MYO10: variants seen among roughly 807,000 people sequenced by gnomAD.
MYO10 encodes unconventional myosin-X.
Under a neutral mutation model 257.3 loss-of-function variants are expected in MYO10, and 133 were observed. The ratio of observed to expected loss-of-function variants is 0.52; its 90% CI spans 0.45 to 0.60. The LOEUF (loss-of-function observed/expected upper bound fraction) is 0.60, where lower values mean the gene tolerates loss of function less well. Among genes scored for constraint, MYO10 ranks in the 20% least tolerant of loss-of-function variants. The probability of loss-of-function intolerance (pLI) is 0.00; values close to 1 mark genes in which losing one functional copy is unlikely to be tolerated. For missense variants in MYO10, 2,399 were observed against 2,635.7 expected (o/e 0.91, Z 1.97); for synonymous variants, 1,104 against 1,028.6 (o/e 1.07, Z -1.40).
At chr5:16,922,917 G>A (rs1384905881) in intron 1 of MYO10, among the ~76,000 whole-genome samples, 2 of 152,162 alleles carry the variant, frequency 1.3e-5, no homozygotes, top group Non-Finnish European at 2.9e-5. Context: ...TGTGGTCCTA[G>A]CTACTGGGGA....
intron 19 of MYO10, among the ~76,000 whole-genome samples, chr5:16,739,226 C>A (rs2126629250): frequency 1.3e-5 from 2 of 151,204 alleles, no homozygotes; most frequent in South Asian, 2.1e-4. Context: ...ACCATTAAAC[C>A]ATTCAATCCT....
At chr5:16,770,556 T>TA (rs1665321910) in intron 9 of MYO10, among the ~76,000 whole-genome samples, 1 of 152,016 alleles carries the variant, frequency 6.6e-6, no homozygotes, top group Non-Finnish European at 1.5e-5. Flanking sequence ...AAAAAGCTAT[T>TA]AAAAAAGAAA....
chr5:16,874,309 G>C (rs1441718440), intron 2 of MYO10, among the ~76,000 whole-genome samples: 4 of 124,374 alleles, frequency 3.2e-5, no homozygotes, highest in African/African-American at 1.2e-4. Context: ...ACTCCAGCCT[G>C]GGCGACAGAG....
chr5:16,722,051 C>G (rs527623518), intron 19 of MYO10, among the ~76,000 whole-genome samples: 39 of 152,280 alleles, frequency 2.6e-4, no homozygotes, highest in African/African-American at 9.1e-4. Context: ...CACTTCCTGT[C>G]TCCACCTCAG....
At chr5:16,815,673 A>G (rs887146901) in intron 3 of MYO10, among the ~76,000 whole-genome samples, 2 of 152,220 alleles carry the variant, frequency 1.3e-5, no homozygotes, top group African/African-American at 4.8e-5. Context: ...GTTACACGAC[A>G]GTGTCAAATA....
In MYO10 at chr5:16,701,356, G is replaced by C. The variant is rs370548236; in HGVS notation, c.3039C>G (p.His1013Gln). 1 of 1,613,998 alleles carries C rather than the reference G, an allele frequency of 6.2e-7. No homozygotes were observed. The highest frequency in any genetic ancestry group is 8.5e-7 in the Non-Finnish European group (1 of 1,179,876). ...AFKDSPNPSEHGHSDQRTSGI... is the reference protein window; with the variant it reads ...AFKDSPNPSEQGHSDQRTSGI... ...CACTTGTTCGCTGGTCTGAGTGGCC[G>C]TGCTCGCTGGGGTTGGGGGAGTCCT... The change falls in exon 25 of 41, where the codon CAC (histidine) becomes CAG (glutamine). Residue 1013 changes from histidine to glutamine, a missense_variant. Transcript: ENST00000513610. This position sits in a 1 kb window ranked among gnomAD's most constrained non-coding sequence, Gnocchi z 8.1.
At chr5:16,828,154 T>C (rs903251938) in intron 2 of MYO10, among the ~76,000 whole-genome samples, 1 of 152,086 alleles carries the variant, frequency 6.6e-6, no homozygotes, top group African/African-American at 2.4e-5. Flanking sequence ...AGGCTTAGAT[T>C]GGTGAGGGCA....
intron 27 of MYO10, among the ~76,000 whole-genome samples, chr5:16,693,968 AGTCT>A (rs1234483490): frequency 6.6e-6 from 1 of 152,198 alleles, no homozygotes; most frequent in Non-Finnish European, 1.5e-5. Context: ...AAACTCCTCC[AGTCT>A]GTCTGCTTTT....
chr5:16,726,524 G>A (rs1252322521), intron 19 of MYO10, among the ~76,000 whole-genome samples: 4 of 152,086 alleles, frequency 2.6e-5, no homozygotes, highest in Admixed American at 2.6e-4. Flanking sequence ...AGGGTCACAA[G>A]GCTCATGCTT....
At chr5:16,779,703 G>T in intron 8 of MYO10, 55 bp from the exon 9 acceptor site, 1 of 1,022,034 alleles carries the variant, frequency 9.8e-7, no homozygotes, top group South Asian at 1.5e-5. Flanking sequence ...ATGAAATTCA[G>T]AGTTTTCACT....
At chr5:16,708,539 A>T (rs1289286537) in intron 21 of MYO10, among the ~76,000 whole-genome samples, 2 of 152,166 alleles carry the variant, frequency 1.3e-5, no homozygotes, top group African/African-American at 4.8e-5. Context: ...GAAGGCAGTG[A>T]GGTGACTCGT....
At chr5:16,796,563 T>C (rs1277305637) in intron 3 of MYO10, among the ~76,000 whole-genome samples, 3 of 152,174 alleles carry the variant, frequency 2.0e-5, no homozygotes, top group East Asian at 3.9e-4. Context: ...CCTCTCCATG[T>C]GGACATAACT....
chr5:16,670,963 T>G lies in MYO10; in HGVS notation c.5446A>C (p.Ile1816Leu). 1 of 1,609,700 alleles carries G rather than the reference T, an allele frequency of 6.2e-7. No individual in the cohort carries two copies. Among genetic ancestry groups the G allele is most frequent in the Non-Finnish European group, 8.5e-7 (1 of 1,176,530 alleles). ...TCCGGGGCTGGATGGTGGCCATGGA[T>G]AACCGCTTCGTGGGCCTGAAAGGAG... is the stretch of plus-strand genomic sequence containing the variant. ...FMFEQAHEAV[I>L]HGHHPAPEEN... Residue 1816 changes from isoleucine to leucine, a missense_variant, in exon 39 of 41, where the codon ATC (isoleucine) becomes CTC (leucine). By Grantham distance (5) the Ile-to-Leu change is conservative. Coordinates refer to ENST00000513610, the MANE Select transcript of MYO10 (RefSeq NM_012334.3).
At position 16,701,698 on chromosome 5, in the gene MYO10, G is replaced by A. The variant is rs759174465; in HGVS notation, c.2697C>T (p.Asp899=). 6.2e-7 allele frequency: 1 copy of A among 1,613,998 alleles called. No homozygotes were observed. The highest frequency in any genetic ancestry group is 1.7e-5 in the Admixed American group (1 of 60,030). The change falls in exon 25 of 41, where the codon GAC becomes GAT. Residue 899 remains aspartate, a synonymous_variant. Transcript: ENST00000513610. The surrounding 1 kb of genome is among the most constrained non-coding windows in gnomAD (Gnocchi z 8.1). ...EILRLEKEIE[D]LQRMKEQQEL... is the part of the protein sequence containing the mutation. ...CCTGCTGCTCCTTCATGCGCTGCAG[G>A]TCCTCGATTTCTTTCTCCAGACGGA...
At chr5:16,711,049 CCTT>C in intron 20 of MYO10, 27 bp from the exon 21 acceptor site, 1 of 1,613,568 alleles carries the variant, frequency 6.2e-7, no homozygotes, top group Non-Finnish European at 8.5e-7. Context: ...CACAGGGTCA[CCTT>C]CTGCGATGGT....
At chr5:16,763,855 A>C in intron 12 of MYO10, 100 bp from the exon 13 acceptor site, 1 of 793,896 alleles carries the variant, frequency 1.3e-6, no homozygotes, top group Non-Finnish European at 2.0e-6. Flanking sequence ...AAAAATATCA[A>C]TGCCTGTTGT....
chr5:16,910,138 T>A (rs1214064538), intron 1 of MYO10, among the ~76,000 whole-genome samples: 1 of 152,186 alleles, frequency 6.6e-6, no homozygotes, highest in Non-Finnish European at 1.5e-5. Context: ...TTAGGGGTAT[T>A]GAAATTGTTC....
chr5:16,885,324 A>G (rs77997461), intron 1 of MYO10, among the ~76,000 whole-genome samples: 7 of 152,094 alleles, frequency 4.6e-5, no homozygotes, highest in South Asian at 2.1e-4. Context: ...CCCAGTGCAA[A>G]GCTTGTCAGA....
At chr5:16,836,087 A>C (rs1350219170) in intron 2 of MYO10, among the ~76,000 whole-genome samples, 2 of 152,166 alleles carry the variant, frequency 1.3e-5, no homozygotes, top group Non-Finnish European at 2.9e-5. Flanking sequence ...ACCTCCTAAG[A>C]ACAAAGTTTA....
Sources: allele counts gnomAD v4.1 joint callset (sites outside exome capture counted in the v4.1 genomes callset), GRCh38; gene constraint gnomAD v4.1.1; non-coding constraint Gnocchi (gnomAD v3.1); transcripts MANE v1.5; gene names NCBI Gene and HGNC (gene_info 2026-07-23, HGNC 2026-07-21).